The following PPP4R2 variants were observed in gnomAD, a reference collection of about 807,000 sequenced individuals.
PPP4R2 encodes protein phosphatase 4 regulatory subunit 2, also known as serine/threonine-protein phosphatase 4 regulatory subunit 2.
A neutral mutation model predicts 47.2 loss-of-function variants in PPP4R2; 13 were observed. The observed-to-expected ratio is 0.28, with a 90% CI of 0.18 to 0.44. The LOEUF (loss-of-function observed/expected upper bound fraction) is 0.44, where lower values mean the gene tolerates loss of function less well. PPP4R2 is among the 20% of genes least tolerant of loss of function. The pLI, the probability that PPP4R2 is intolerant of heterozygous loss-of-function variation, is 1.00. For missense variants in PPP4R2, 421 were observed against 491.2 expected (o/e 0.86, Z 1.35); for synonymous variants, 151 against 163.3 (o/e 0.92, Z 0.57).
At chr3:73,019,898 G>C (rs1162408179) in intron 2 of PPP4R2, among the ~76,000 whole-genome samples, 2 of 151,994 alleles carry the variant, frequency 1.3e-5, no homozygotes, top group Non-Finnish European at 2.9e-5. Flanking sequence ...TTACAATTTT[G>C]TCTTATTTTC....
rs758649383 is a variant in PPP4R2 at position 73,001,641 on chromosome 3, C to CT, written c.116+3492dup. Among the ~76,000 whole-genome samples, 10 of 151,722 alleles carry CT rather than the reference C, an allele frequency of 6.6e-5. No homozygotes were observed. In the South Asian group the frequency reaches 8.4e-4, roughly 13 times the overall value. ...CTTTACCATTTTAGTTTTCTTTCTT[C>CT]TTTTTTTTTATTTTTTTGAGATGGA... On this transcript the variant is annotated intron_variant, in intron 2 of 8. Transcript: ENST00000356692.
intron 2 of PPP4R2, among the ~76,000 whole-genome samples, chr3:73,043,215 C>G (rs903515933): frequency 6.6e-6 from 1 of 152,026 alleles, no homozygotes; most frequent in Non-Finnish European, 1.5e-5. Context: ...TGTGGAGAGT[C>G]TCATAAAATT....
rs184403294 is a variant in PPP4R2, at chr3:73,054,536, C to G, written c.288-4501C>G. Among the ~76,000 whole-genome samples the G allele has an allele frequency of 2.0e-5, 3 of 152,184 alleles. No individual in the cohort carries two copies. In the East Asian group the frequency reaches 5.8e-4, roughly 29 times the overall value. On this transcript the variant is annotated intron_variant, in intron 3 of 8. Coordinates refer to ENST00000356692, the MANE Select transcript of PPP4R2 (RefSeq NM_174907.4). ...AGTATTTCTGTTAACTAAGACACCA[C>G]TAATGTGGTCATTTAGTCAGAAAAG...
At chr3:73,057,296 A>ATG (rs1702748899) in intron 3 of PPP4R2, among the ~76,000 whole-genome samples, 1 of 152,162 alleles carries the variant, frequency 6.6e-6, no homozygotes, top group Non-Finnish European at 1.5e-5. Context: ...GGAATGAAAC[A>ATG]AAAGATGTAT....
At chr3:73,040,721 C>T (rs943721232) in intron 2 of PPP4R2, among the ~76,000 whole-genome samples, 11 of 151,980 alleles carry the variant, frequency 7.2e-5, no homozygotes, top group Admixed American at 4.6e-4. Context: ...CCATGTTGGC[C>T]GGGCTGGTCT....
chr3:73,055,012 T>C (rs943577275), intron 3 of PPP4R2, among the ~76,000 whole-genome samples: 1 of 152,004 alleles, frequency 6.6e-6, no homozygotes, highest in Non-Finnish European at 1.5e-5. Context: ...CTTCTGCTTT[T>C]AAAAAAAAGT....
chr3:72,996,973 G>T lies in PPP4R2; in HGVS notation c.-65G>T. The T allele has an allele frequency of 8.1e-7, 1 of 1,237,116 alleles. No individual in the cohort carries two copies. The highest frequency in any genetic ancestry group is 2.9e-4 in the Middle Eastern group (1 of 3,492). 76.6% of individuals were successfully genotyped at this position (1,237,116 alleles called of 1,614,324 possible). On this transcript the variant is annotated 5_prime_UTR_variant, in exon 1 of 9. Coordinates refer to ENST00000356692, the MANE Select transcript of PPP4R2 (RefSeq NM_174907.4). ...GGGGAGGGCGTCGGGGGGGTGGGGG[G>T]AGGCGTTCCGGTCCCCAAGAGACCC...
chr3:73,048,250 T>C (rs1455770187), intron 3 of PPP4R2, among the ~76,000 whole-genome samples: 1 of 151,982 alleles, frequency 6.6e-6, no homozygotes, highest in Non-Finnish European at 1.5e-5. Flanking sequence ...GACTTTGTTT[T>C]TTGTTTTATT....
intron 4 of PPP4R2, 69 bp downstream of exon 4, chr3:73,059,199 G>GA (rs1275256693): frequency 3.9e-6 from 3 of 766,188 alleles, no homozygotes; most frequent in Non-Finnish European, 6.3e-6. Context: ...AAAGAACATT[G>GA]AGTAAGATCT....
chr3:73,056,807 G>A (rs1004012513), intron 3 of PPP4R2, among the ~76,000 whole-genome samples: 2 of 152,048 alleles, frequency 1.3e-5, no homozygotes, highest in African/African-American at 4.8e-5. Flanking sequence ...AGCATTCAGT[G>A]TACATGTTGT....
chr3:73,049,690 G>A (rs1266796810), intron 3 of PPP4R2, among the ~76,000 whole-genome samples: 1 of 151,266 alleles, frequency 6.6e-6, no homozygotes, highest in Non-Finnish European at 1.5e-5. Flanking sequence ...ATTAGTAATA[G>A]CAAATACCAT....
In PPP4R2 at chr3:73,023,675, T is replaced by C. The variant is rs186194340; in HGVS notation, c.117-23511T>C. Among the ~76,000 whole-genome samples the C allele has an allele frequency of 5.9e-5, 9 of 152,340 alleles. No homozygotes were observed. The East Asian group carries it at 1.5e-3, about 26-fold the overall frequency. Reference sequence around the variant, plus strand: ...AGGAAGACATGACAGTCCCTCCATTTCTATCCGATGTAATATAGCATATTA... The same window carrying C: ...AGGAAGACATGACAGTCCCTCCATTCCTATCCGATGTAATATAGCATATTA... On this transcript the variant is annotated intron_variant, in intron 2 of 8. Transcript: ENST00000356692.
At chr3:73,040,357 T>TA (rs1237848611) in intron 2 of PPP4R2, among the ~76,000 whole-genome samples, 3 of 152,212 alleles carry the variant, frequency 2.0e-5, no homozygotes, top group Non-Finnish European at 4.4e-5. Flanking sequence ...TTGACGTATG[T>TA]ACTTCATACT....
intron 2 of PPP4R2, among the ~76,000 whole-genome samples, chr3:73,034,113 C>T (rs1702219144): frequency 6.6e-6 from 1 of 151,338 alleles, no homozygotes; most frequent in African/African-American, 2.4e-5. Context: ...TCATTGGTTT[C>T]TTCTCCACTT....
At chr3:73,030,943 C>G (rs553974649) in intron 2 of PPP4R2, among the ~76,000 whole-genome samples, 8 of 152,126 alleles carry the variant, frequency 5.3e-5, no homozygotes, top group African/African-American at 1.7e-4. Context: ...CTCAGGTGAT[C>G]TGCCCGCCTC....
In PPP4R2 at chr3:73,067,946, T is replaced by A. The variant is rs1703034710; in HGVS notation, c.*2224T>A. 1 of 152,230 alleles carries A rather than the reference T, an allele frequency of 6.6e-6. No homozygotes were observed. The allele number at this position is 152,230 out of a possible 1,614,324, so 9.4% of individuals were successfully genotyped here. A position where few individuals can be genotyped will look rare whatever the true frequency, so the allele number is the denominator to read the frequency against. ...AGTTTTAATATTTATTAGATATTCATATGTTGATCATAGATCAAACTTGTT... is the reference window on the plus strand; with the variant it reads ...AGTTTTAATATTTATTAGATATTCAAATGTTGATCATAGATCAAACTTGTT... On this transcript the variant is annotated 3_prime_UTR_variant, in exon 9 of 9. Transcript: ENST00000356692.
At chr3:73,028,969 G>T (rs1056594974) in intron 2 of PPP4R2, among the ~76,000 whole-genome samples, 1 of 152,142 alleles carries the variant, frequency 6.6e-6, no homozygotes, top group Non-Finnish European at 1.5e-5. Flanking sequence ...GTTTTTTTGA[G>T]ACAGTCTCAC....
chr3:73,068,624 A>G lies in PPP4R2; in HGVS notation c.*2902A>G, dbSNP rs1386330844. 6.6e-6 allele frequency: 1 copy of G among 152,250 alleles called. No individual in the cohort carries two copies. Among genetic ancestry groups the G allele is most frequent in the Non-Finnish European group, 1.5e-5 (1 of 68,042 alleles). The allele number at this position is 152,250 out of a possible 1,614,324, so 9.4% of individuals were successfully genotyped here. A position where few individuals can be genotyped will look rare whatever the true frequency, so the allele number is the denominator to read the frequency against. ...CTGTGGCTTGGAAAGGCATCCCAGAAATCCTCGGCCAGAAGGTGTGGCTTG... is the reference window on the plus strand; with the variant it reads ...CTGTGGCTTGGAAAGGCATCCCAGAGATCCTCGGCCAGAAGGTGTGGCTTG... On this transcript the variant is annotated 3_prime_UTR_variant, in exon 9 of 9. Transcript: ENST00000356692.
At chr3:73,063,790 C>T in intron 6 of PPP4R2, 43 bp downstream of exon 6, 3 of 1,368,712 alleles carry the variant, frequency 2.2e-6, no homozygotes, top group Non-Finnish European at 2.1e-6. Flanking sequence ...TTGCATTGTC[C>T]TGATTTTGAG....
Sources: allele counts gnomAD v4.1 joint callset (sites outside exome capture counted in the v4.1 genomes callset), GRCh38; gene constraint gnomAD v4.1.1; transcripts MANE v1.5; gene names NCBI Gene and HGNC (gene_info 2026-07-23, HGNC 2026-07-21).